DIAPH3: variants seen among roughly 807,000 people sequenced by gnomAD.
The protein encoded by DIAPH3 is protein diaphanous homolog 3.
DIAPH3 carries 117 observed loss-of-function variants against 144.3 expected under a neutral mutation model. The ratio of observed to expected loss-of-function variants is 0.81; its 90% confidence interval spans 0.70 to 0.95. The LOEUF (loss-of-function observed/expected upper bound fraction) is 0.95, where lower values mean the gene tolerates loss of function less well. DIAPH3 is among the 40% of genes least tolerant of loss of function. The probability of loss-of-function intolerance (pLI) is 0.00; values close to 1 mark genes in which losing one functional copy is unlikely to be tolerated. For missense variants in DIAPH3, 1,421 were observed against 1,412.7 expected (o/e 1.01, Z -0.09); for synonymous variants, 519 against 488.9 (o/e 1.06, Z -0.81).
intron 17 of DIAPH3, among the ~76,000 whole-genome samples, chr13:59,955,320 T>C (rs2049336008): frequency 6.6e-6 from 1 of 151,934 alleles, no homozygotes; most frequent in African/African-American, 2.4e-5. Context: ...GCTGTTGTCA[T>C]GATAGTGAAT....
chr13:60,056,761 C>T (rs1418738822), intron 4 of DIAPH3, among the ~76,000 whole-genome samples: 1 of 151,736 alleles, frequency 6.6e-6, no homozygotes, highest in East Asian at 1.9e-4. Context: ...CTTGAAGAGA[C>T]TTCTATTGGC....
At chr13:59,669,987 T>C (rs745804031) in intron 27 of DIAPH3, among the ~76,000 whole-genome samples, 3 of 152,202 alleles carry the variant, frequency 2.0e-5, no homozygotes, top group African/African-American at 4.8e-5. Flanking sequence ...CCTTGATCTA[T>C]ACCAGATCCA....
intron 17 of DIAPH3, among the ~76,000 whole-genome samples, chr13:59,926,872 A>G (rs1431321837): frequency 6.6e-6 from 1 of 152,174 alleles, no homozygotes; most frequent in East Asian, 1.9e-4. Flanking sequence ...TTTCAGATTG[A>G]TAGTTCTTTG....
At chr13:59,987,490 GAAAA>G (rs58336587) in intron 12 of DIAPH3, among the ~76,000 whole-genome samples, 1 of 66,296 alleles carries the variant, frequency 1.5e-5, no homozygotes, top group African/African-American at 5.7e-5. Flanking sequence ...AAAAAAAAAA[GAAAA>G]AAAAAAAAGA....
At chr13:59,907,604 A>G (rs2046803504) in intron 20 of DIAPH3, among the ~76,000 whole-genome samples, 1 of 152,182 alleles carries the variant, frequency 6.6e-6, no homozygotes, top group Admixed American at 6.5e-5. Flanking sequence ...ACTTACGACC[A>G]CATGTTACCA....
In DIAPH3 at chr13:59,712,700, T is replaced by C. The variant is rs1445369746; in HGVS notation, c.3320-45854A>G. On this transcript the variant is annotated intron_variant, in intron 27 of 27. Coordinates refer to ENST00000400324, the MANE Select transcript of DIAPH3 (RefSeq NM_001042517.2). ...GTTATTGACTTGTCATCCCCCATTTTACTTTCTTAAAACTACCACACTTAC... is the reference window on the plus strand; with the variant it reads ...GTTATTGACTTGTCATCCCCCATTTCACTTTCTTAAAACTACCACACTTAC... 4.6e-5 allele frequency among the ~76,000 whole-genome samples: 7 copies of C among 152,212 alleles called. No homozygotes were observed. In the East Asian group the frequency reaches 1.2e-3, roughly 25 times the overall value.
At chr13:59,778,761 C>A (rs368827877) in intron 25 of DIAPH3, among the ~76,000 whole-genome samples, 2 of 152,194 alleles carry the variant, frequency 1.3e-5, no homozygotes, top group African/African-American at 2.4e-5. Flanking sequence ...TGGAATACTG[C>A]ATGAGTTGCC....
chr13:60,094,961 T>C (rs2058061630), intron 3 of DIAPH3, among the ~76,000 whole-genome samples: 1 of 152,132 alleles, frequency 6.6e-6, no homozygotes, highest in African/African-American at 2.4e-5. Flanking sequence ...TTCTCTAAGC[T>C]AGTGAGAGAA....
chr13:59,890,345 C>A (rs1317863363), intron 20 of DIAPH3, among the ~76,000 whole-genome samples: 3 of 152,078 alleles, frequency 2.0e-5, no homozygotes, highest in Admixed American at 2.0e-4. Flanking sequence ...AAAACTGTCA[C>A]CAAGCCAAAG....
intron 4 of DIAPH3, among the ~76,000 whole-genome samples, chr13:60,092,776 A>C (rs773023179): frequency 4.6e-5 from 7 of 152,240 alleles, no homozygotes; most frequent in Non-Finnish European, 8.8e-5. Flanking sequence ...CTTTCTTCCA[A>C]AAGAAAGGCC....
intron 2 of DIAPH3, 24 bp from the exon 3 acceptor site, chr13:60,112,210 C>G (rs763066852): frequency 2.5e-6 from 4 of 1,613,002 alleles, no homozygotes; most frequent in Admixed American, 3.3e-5. Flanking sequence ...CAGAATGACA[C>G]ACGTGTAAGT....
chr13:59,974,680 T>C (rs1330150384), intron 14 of DIAPH3, among the ~76,000 whole-genome samples: 2 of 152,010 alleles, frequency 1.3e-5, no homozygotes, highest in Non-Finnish European at 2.9e-5. Context: ...AAAAAAGCCA[T>C]AGACAAGTCT....
At chr13:59,800,964 C>T (rs371009822) in intron 25 of DIAPH3, among the ~76,000 whole-genome samples, 78 of 152,156 alleles carry the variant, frequency 5.1e-4, no homozygotes, top group African/African-American at 1.7e-3. Flanking sequence ...AGGCACTGTC[C>T]TTTTTTTGAG....
intron 25 of DIAPH3, among the ~76,000 whole-genome samples, chr13:59,797,716 AG>A (rs2039686216): frequency 6.6e-6 from 1 of 152,126 alleles, no homozygotes; most frequent in Non-Finnish European, 1.5e-5. Flanking sequence ...TTTTCCTTCA[AG>A]GGGATAATGG....
intron 5 of DIAPH3, among the ~76,000 whole-genome samples, chr13:60,036,783 A>AACT (rs1446999501): frequency 6.6e-6 from 1 of 152,140 alleles, no homozygotes; most frequent in Non-Finnish European, 1.5e-5. Context: ...AAATCTAAAA[A>AACT]ACATATCCAG....
intron 3 of DIAPH3, among the ~76,000 whole-genome samples, chr13:60,100,581 T>A (rs754753888): frequency 4.6e-5 from 7 of 152,180 alleles, no homozygotes; most frequent in Non-Finnish European, 8.8e-5. Context: ...ATTGTACTAA[T>A]GTTATATAAG....
intron 5 of DIAPH3, among the ~76,000 whole-genome samples, chr13:60,018,082 A>G (rs929932726): frequency 2.0e-5 from 3 of 152,206 alleles, no homozygotes; most frequent in African/African-American, 4.8e-5. Context: ...ATTGAGATGC[A>G]TGGAGAGAGA....
intron 2 of DIAPH3, among the ~76,000 whole-genome samples, chr13:60,120,415 TG>T (rs2138138909): frequency 6.6e-6 from 1 of 152,356 alleles, no homozygotes; most frequent in South Asian, 2.1e-4. Flanking sequence ...ATGTTACAAA[TG>T]GGCTTCTTCA....
intron 20 of DIAPH3, among the ~76,000 whole-genome samples, chr13:59,899,601 G>T (rs2046321495): frequency 6.6e-6 from 1 of 152,178 alleles, no homozygotes; most frequent in Admixed American, 6.5e-5. Flanking sequence ...GACAAATTAT[G>T]TAGAGCCTTG....
Sources: allele counts gnomAD v4.1 joint callset (sites outside exome capture counted in the v4.1 genomes callset), GRCh38; gene constraint gnomAD v4.1.1; transcripts MANE v1.5; gene names NCBI Gene and HGNC (gene_info 2026-07-23, HGNC 2026-07-21).